Variants in ELP4 observed in about 807,000 individuals in gnomAD.
ELP4 encodes the protein elongator complex protein 4.
Under a neutral mutation model 48.9 loss-of-function variants are expected in ELP4, and 51 were observed. The ratio of observed to expected loss-of-function variants is 1.04; its 90% CI spans 0.83 to 1.32. ELP4 has a LOEUF of 1.32. ELP4 is among the 40% of genes most tolerant of loss of function. ELP4 has a pLI of 0.00. For missense variants in ELP4, 519 were observed against 514.6 expected (o/e 1.01, Z -0.08); for synonymous variants, 210 against 189.2 (o/e 1.11, Z -0.90).
At chr11:31,554,100 CT>C (rs1490343773) in intron 3 of ELP4, among the ~76,000 whole-genome samples, 1 of 152,218 alleles carries the variant, frequency 6.6e-6, no homozygotes, top group Non-Finnish European at 1.5e-5. Flanking sequence ...CCCATCACCC[CT>C]GTCTAGCTGC....
At chr11:31,527,176 A>C (rs1315982054) in intron 2 of ELP4, among the ~76,000 whole-genome samples, 1 of 151,626 alleles carries the variant, frequency 6.6e-6, no homozygotes, top group African/African-American at 2.4e-5. Flanking sequence ...TTCTGTTCTG[A>C]TTTTCCCTCT....
intron 9 of ELP4, among the ~76,000 whole-genome samples, chr11:31,694,168 T>G (rs575561831): frequency 1.3e-5 from 2 of 152,292 alleles, no homozygotes; most frequent in African/African-American, 4.8e-5. Flanking sequence ...TTAGTTTAAT[T>G]AGATCCCATT....
At chr11:31,615,670 G>A (rs2134019265) in intron 5 of ELP4, among the ~76,000 whole-genome samples, 1 of 151,656 alleles carries the variant, frequency 6.6e-6, no homozygotes, top group South Asian at 2.1e-4. Context: ...TTAGATGTAG[G>A]CCCCTAAATG....
chr11:31,788,725 T>C lies in ELP4; in HGVS notation c.*5201T>C. The C allele has an allele frequency of 5.6e-6, 1 of 178,378 alleles. No homozygotes were observed. The highest frequency in any genetic ancestry group is 1.1e-5 in the Non-Finnish European group (1 of 88,678). 11.0% of individuals were successfully genotyped at this position (178,378 alleles called of 1,614,324 possible). A position where few individuals can be genotyped will look rare whatever the true frequency, so the allele number is the denominator to read the frequency against. On this transcript the variant is annotated 3_prime_UTR_variant, in exon 10 of 10. Coordinates refer to ENST00000640961, the MANE Select transcript of ELP4 (RefSeq NM_019040.5). ...TACCATTTTGTATATATGTTGTGGG[T>C]ATAAATGGGCACAGATCTACACCCT...
chr11:31,689,781 T>A (rs1235372825), intron 9 of ELP4, among the ~76,000 whole-genome samples: 1 of 152,318 alleles, frequency 6.6e-6, no homozygotes, highest in African/African-American at 2.4e-5. Context: ...CAGCAAATAA[T>A]GTCTTTCTGC....
At chr11:31,714,784 G>C (rs554344754) in intron 9 of ELP4, 95 of 398,486 alleles carry the variant, frequency 2.4e-4, no homozygotes, top group African/African-American at 1.7e-3. Context: ...CATTGGGTTT[G>C]AGTCCTTATG....
rs986312472 is a variant in ELP4 at position 31,608,848 on chromosome 11, C to T, written c.653+4941C>T. Among the ~76,000 whole-genome samples the T allele has an allele frequency of 4.6e-5, 7 of 152,116 alleles. No individual in the cohort carries two copies. The East Asian group carries it at 5.8e-4, about 13-fold the overall frequency. On this transcript the variant is annotated intron_variant, in intron 5 of 9. Coordinates refer to ENST00000640961, the MANE Select transcript of ELP4 (RefSeq NM_019040.5). ...TGGGTGCTAAAAATTTAGATAAAGC[C>T]GAGTAGCTGGCCCTGCTATCGATTA...
At position 31,785,302 on chromosome 11, in the gene ELP4, C is replaced by G; in HGVS notation, c.*1778C>G. 2 of 182,794 alleles carry G rather than the reference C, an allele frequency of 1.1e-5. No individual in the cohort carries two copies. The highest frequency in any genetic ancestry group is 1.2e-5 in the Non-Finnish European group (1 of 85,886). 11.3% of individuals were successfully genotyped at this position (182,794 alleles called of 1,614,324 possible). A position where few individuals can be genotyped will look rare whatever the true frequency, so the allele number is the denominator to read the frequency against. ...TAACCTTTTTCTTACCGTGTTGATT[C>G]ATTTTATACAACACACAATGGAACA... On this transcript the variant is annotated 3_prime_UTR_variant, in exon 10 of 10. Coordinates refer to ENST00000640961, the MANE Select transcript of ELP4 (RefSeq NM_019040.5).
At chr11:31,744,364 AAG>A (rs1015689139) in intron 9 of ELP4, among the ~76,000 whole-genome samples, 9 of 152,198 alleles carry the variant, frequency 5.9e-5, no homozygotes, top group Non-Finnish European at 1.0e-4. Context: ...TCAATAGAAA[AAG>A]AGAGAATCCT....
intron 9 of ELP4, among the ~76,000 whole-genome samples, chr11:31,776,152 CAAAA>C (rs371572032): frequency 1.9e-5 from 1 of 51,720 alleles, no homozygotes; most frequent in South Asian, 9.1e-4. Flanking sequence ...CCCTATCTCA[CAAAA>C]AAAAAAAAAA....
At chr11:31,572,598 G>A (rs565449754) in intron 3 of ELP4, among the ~76,000 whole-genome samples, 1 of 152,102 alleles carries the variant, frequency 6.6e-6, no homozygotes, top group Non-Finnish European at 1.5e-5. Flanking sequence ...TAGAGAGATT[G>A]TCTATCTATC....
chr11:31,620,901 A>C (rs777105799), intron 5 of ELP4, among the ~76,000 whole-genome samples: 1 of 151,810 alleles, frequency 6.6e-6, no homozygotes, highest in Middle Eastern at 3.2e-3. Context: ...CCTACACTTT[A>C]TATGTTCTTA....
At chr11:31,584,940 T>C (rs906612232) in intron 3 of ELP4, among the ~76,000 whole-genome samples, 2 of 152,212 alleles carry the variant, frequency 1.3e-5, no homozygotes, top group African/African-American at 4.8e-5. Flanking sequence ...TCCCTTATGG[T>C]ACTGTAATGA....
At chr11:31,571,386 C>T (rs1272636147) in intron 3 of ELP4, among the ~76,000 whole-genome samples, 2 of 152,192 alleles carry the variant, frequency 1.3e-5, no homozygotes, top group Non-Finnish European at 2.9e-5. Context: ...CATCTTCAGG[C>T]TCCACTTCTA....
chr11:31,731,972 A>C (rs554895976), intron 9 of ELP4, among the ~76,000 whole-genome samples: 6 of 152,282 alleles, frequency 3.9e-5, no homozygotes, highest in African/African-American at 1.4e-4. Flanking sequence ...TATTCTTCAA[A>C]AATGGAGCAA....
intron 9 of ELP4, among the ~76,000 whole-genome samples, chr11:31,694,461 T>C (rs930171967): frequency 6.6e-6 from 1 of 152,172 alleles, no homozygotes; most frequent in Admixed American, 6.5e-5. Context: ...TTGTCAAAGA[T>C]CAGATAGTTG....
intron 9 of ELP4, among the ~76,000 whole-genome samples, chr11:31,748,389 C>T (rs1472241445): frequency 2.6e-5 from 4 of 151,988 alleles, no homozygotes; most frequent in South Asian, 2.1e-4. Flanking sequence ...GGACTACAGG[C>T]GCACGCCACT....
chr11:31,734,426 T>C (rs1266625047), intron 9 of ELP4, among the ~76,000 whole-genome samples: 5 of 152,194 alleles, frequency 3.3e-5, no homozygotes, highest in Non-Finnish European at 7.3e-5. Context: ...CAAAATGCTG[T>C]CTGTTTAAGA....
chr11:31,632,480 C>A, intron 7 of ELP4, 75 bp downstream of exon 7: 2 of 1,169,660 alleles, frequency 1.7e-6, no homozygotes, highest in South Asian at 1.9e-5. Context: ...GTTTGCATTT[C>A]CATGATAACT....
Sources: gnomAD v4.1 joint callset for allele counts (sites outside exome capture counted in the v4.1 genomes callset) on GRCh38, gnomAD v4.1.1 for gene constraint, MANE v1.5 for transcripts, NCBI Gene and HGNC (gene_info 2026-07-23, HGNC 2026-07-21) for gene names.